CLVS1: variants seen among roughly 807,000 people sequenced by gnomAD.
The protein encoded by CLVS1 is clavesin-1.
Under a neutral mutation model 33.1 loss-of-function variants are expected in CLVS1, and 10 were observed. The ratio of observed to expected loss-of-function variants is 0.30; its 90% confidence interval spans 0.19 to 0.51. CLVS1 has a LOEUF of 0.51. Among genes scored for constraint, CLVS1 ranks in the 20% least tolerant of loss-of-function variants. CLVS1 has a pLI of 0.97. For synonymous variants in CLVS1, 163 were observed against 166.1 expected (o/e 0.98, Z 0.14); for missense variants, 343 against 433.4 (o/e 0.79, Z 1.85).
intron 1 of CLVS1, among the ~76,000 whole-genome samples, chr8:61,087,108 G>A (rs1226422880): frequency 6.6e-6 from 1 of 152,202 alleles, no homozygotes; most frequent in African/African-American, 2.4e-5. Context: ...AATCAAGAAG[G>A]AAAGCAGGCT....
chr8:61,462,984 G>C (rs976557138), intron 5 of CLVS1, among the ~76,000 whole-genome samples: 1 of 152,134 alleles, frequency 6.6e-6, no homozygotes, highest in Non-Finnish European at 1.5e-5. Flanking sequence ...CCAATAGAAG[G>C]CTGTTTTGTC....
Position 61,198,304 on chromosome 8 carries a change from G to A in CLVS1, c.-152+66444G>A, listed in dbSNP as rs113362151. 2.0e-5 allele frequency among the ~76,000 whole-genome samples: 3 copies of A among 152,186 alleles called. 1 individual carries two copies. Among genetic ancestry groups the A allele is most frequent in the East Asian group, 1.9e-4 (1 of 5,182 alleles). ...GGGTATAAGTGGTTTTTGATTACACGGATGAATTGTATAGAAATGAAATCT... is the reference window on the plus strand; with the variant it reads ...GGGTATAAGTGGTTTTTGATTACACAGATGAATTGTATAGAAATGAAATCT... On this transcript the variant is annotated intron_variant, in intron 2 of 2. Coordinates refer to the CLVS1 transcript ENST00000522621.
chr8:61,137,487 G>A (rs1366247022), intron 2 of CLVS1, among the ~76,000 whole-genome samples: 1 of 152,094 alleles, frequency 6.6e-6, no homozygotes, highest in Admixed American at 6.5e-5. Flanking sequence ...GTGTAGAAGG[G>A]ATGTAAGAAG....
chr8:61,162,826 C>G (rs899527221), intron 2 of CLVS1, among the ~76,000 whole-genome samples: 5 of 152,130 alleles, frequency 3.3e-5, no homozygotes, highest in African/African-American at 1.2e-4. Context: ...TTTTATATCT[C>G]GAGAGCCTGG....
intron 2 of CLVS1, among the ~76,000 whole-genome samples, chr8:61,350,809 G>A (rs148308970): frequency 1.5e-4 from 23 of 152,174 alleles, no homozygotes; most frequent in African/African-American, 4.8e-4. Context: ...GAGAGCTCAG[G>A]GGCATCTAGT....
chr8:61,046,272 C>T, the CLVS1 span, among the ~76,000 whole-genome samples: 7 of 148,086 alleles, frequency 4.7e-5, no homozygotes, highest in East Asian at 2.0e-4. Flanking sequence ...TTGTTTTTCT[C>T]AGGTTTGTCA....
At chr8:61,018,619 C>T in the CLVS1 span, among the ~76,000 whole-genome samples, 209 of 152,340 alleles carry the variant, frequency 1.4e-3, 1 homozygote, top group African/African-American at 4.5e-3. Context: ...GGTCACATTT[C>T]TCCTATAGAC....
chr8:60,997,566 G>A, the CLVS1 span, among the ~76,000 whole-genome samples: 1,001 of 152,316 alleles, frequency 6.6e-3, 11 homozygotes, highest in South Asian at 0.015. Flanking sequence ...TCAAATAGGG[G>A]GAGGGTGGCT....
intron 2 of CLVS1, among the ~76,000 whole-genome samples, chr8:61,320,449 C>A (rs1210001387): frequency 1.3e-5 from 2 of 151,828 alleles, no homozygotes; most frequent in Non-Finnish European, 2.9e-5. Context: ...CAAAGACAAT[C>A]CTAGATCTGT....
At chr8:61,261,656 A>G (rs771409571) in intron 2 of CLVS1, among the ~76,000 whole-genome samples, 11 of 152,042 alleles carry the variant, frequency 7.2e-5, no homozygotes, top group Non-Finnish European at 1.6e-4. Flanking sequence ...TATAAAAGAG[A>G]CCCCAAATAG....
At chr8:61,185,153 T>C (rs903148202) in intron 2 of CLVS1, among the ~76,000 whole-genome samples, 3 of 148,394 alleles carry the variant, frequency 2.0e-5, no homozygotes, top group African/African-American at 7.7e-5. Context: ...GTTTTTGTTT[T>C]TGTTTTTTGT....
At position 61,246,167 on chromosome 8, in the gene CLVS1, C is replaced by CTTTTTTTTTTTTTTTTTTT. The variant is rs1188366643; in HGVS notation, c.-151-53499_-151-53481dup. On this transcript the variant is annotated intron_variant, in intron 2 of 2. Coordinates refer to the CLVS1 transcript ENST00000522621. ...AAACCCTTTTTCTCTTCCTTCCCAA[C>CTTTTTTTTTTTTTTTTTTT]TTTTTTTTTTTTTTTTTTTTTTTTT... 4.9e-5 allele frequency among the ~76,000 whole-genome samples: 4 copies of CTTTTTTTTTTTTTTTTTTT among 82,210 alleles called. 1 individual carries two copies. The highest frequency in any genetic ancestry group is 3.5e-4 in the Admixed American group (2 of 5,752). The allele number at this position is 82,210 out of a possible 152,430, so 53.9% of individuals were successfully genotyped here.
chr8:61,045,009 G>T, the CLVS1 span, among the ~76,000 whole-genome samples: 3 of 152,194 alleles, frequency 2.0e-5, no homozygotes, highest in Non-Finnish European at 2.9e-5. Flanking sequence ...GCCAGTGGAT[G>T]CCAGCCTCTG....
chr8:61,211,819 AG>A (rs1807976338), intron 2 of CLVS1, among the ~76,000 whole-genome samples: 2 of 152,276 alleles, frequency 1.3e-5, no homozygotes, highest in Middle Eastern at 3.4e-3. Context: ...TTATTATAGG[AG>A]GGAAGCAGAA....
At chr8:61,470,145 C>T (rs1461086220) in intron 5 of CLVS1, among the ~76,000 whole-genome samples, 1 of 152,212 alleles carries the variant, frequency 6.6e-6, no homozygotes, top group African/African-American at 2.4e-5. Flanking sequence ...AGATGTCCTG[C>T]TTACATACAG....
At chr8:60,970,617 C>G in the CLVS1 span, among the ~76,000 whole-genome samples, 1 of 152,222 alleles carries the variant, frequency 6.6e-6, no homozygotes, top group Non-Finnish European at 1.5e-5. Context: ...TCTTCTATCT[C>G]CCTGTATTGC....
chr8:61,069,971 T>A (rs1357030919), intron 1 of CLVS1, among the ~76,000 whole-genome samples: 1 of 152,092 alleles, frequency 6.6e-6, no homozygotes, highest in Non-Finnish European at 1.5e-5. Context: ...TTTTGTATTT[T>A]TAGTAGAGAC....
At position 61,500,378 on chromosome 8, in the gene CLVS1, C is replaced by CAAAG. The variant is rs1381419013; in HGVS notation, c.*840_*843dup. On this transcript the variant is annotated 3_prime_UTR_variant, in exon 6 of 6. Transcript: ENST00000325897. ...AGTTGCCTCAACTGGGTCACTACAG[C>CAAAG]AAAGAAAAGTGCTATCAAACCATTT... The CAAAG allele has an allele frequency of 2.6e-5, 4 of 152,054 alleles. No homozygotes were observed. The highest frequency in any genetic ancestry group is 1.3e-4 in the Admixed American group (2 of 15,256). 9.4% of individuals were successfully genotyped at this position (152,054 alleles called of 1,614,324 possible).
At chr8:61,104,891 T>C (rs58993240) in intron 1 of CLVS1, among the ~76,000 whole-genome samples, 30,256 of 152,150 alleles carry the variant, frequency 0.2, 3,194 homozygotes, top group Admixed American at 0.31. Context: ...TGCAATGGTA[T>C]GATCTCGGCT....
Sources: allele counts gnomAD v4.1 joint callset (sites outside exome capture counted in the v4.1 genomes callset), GRCh38; gene constraint gnomAD v4.1.1; transcripts MANE v1.5; gene names NCBI Gene and HGNC (gene_info 2026-07-23, HGNC 2026-07-21).